Variants in PPFIA1 observed in about 807,000 individuals in gnomAD.
PPFIA1 encodes the protein PPFI scaffold protein A1.
PPFIA1 carries 25 observed loss-of-function variants against 149.9 expected under a neutral mutation model. The observed-to-expected ratio is 0.17, with a 90% CI of 0.12 to 0.23. The LOEUF (loss-of-function observed/expected upper bound fraction) is 0.23, where lower values mean the gene tolerates loss of function less well. Among genes scored for constraint, PPFIA1 ranks in the 10% least tolerant of loss-of-function variants. The pLI, the probability that PPFIA1 is intolerant of heterozygous loss-of-function variation, is 1.00. For missense variants in PPFIA1, 1,362 were observed against 1,506.5 expected, an observed-to-expected ratio of 0.90 and a Z score of 1.59; for synonymous variants, 549 against 552.8, an observed-to-expected ratio of 0.99 and a Z score of 0.10.
At chr11:70,295,500 G>GC (rs2051884477) in intron 2 of PPFIA1, among the ~76,000 whole-genome samples, 3 of 130,440 alleles carry the variant, frequency 2.3e-5, no homozygotes, top group African/African-American at 5.8e-5. Flanking sequence ...GGCTGGCCGG[G>GC]TGGGGGGGCT....
intron 3 of PPFIA1, 85 bp from the exon 4 acceptor site, chr11:70,324,761 GA>G (rs1328311808): frequency 1.6e-6 from 2 of 1,261,492 alleles, no homozygotes; most frequent in Non-Finnish European, 2.2e-6. Context: ...TTTAGTATGA[GA>G]CTGTAAAGGA....
chr11:70,360,734 C>G (rs937586348), intron 19 of PPFIA1, among the ~76,000 whole-genome samples: 1 of 152,246 alleles, frequency 6.6e-6, no homozygotes, highest in South Asian at 2.1e-4. Flanking sequence ...TAAGAAAAGT[C>G]TGCTGCTATT....
At position 70,310,534 on chromosome 11, in the gene PPFIA1, C is replaced by T. The variant is rs143913895; in HGVS notation, c.265-13868C>T. On this transcript the variant is annotated intron_variant, in intron 2 of 27. Coordinates refer to ENST00000253925, the MANE Select transcript of PPFIA1 (RefSeq NM_003626.5). Reference sequence around the variant, plus strand: ...CCGAGTAGCTGGGACTACAGGTGCGCGCCACCACGCCCAGTTAATTTTGGT... The same window carrying T: ...CCGAGTAGCTGGGACTACAGGTGCGTGCCACCACGCCCAGTTAATTTTGGT... 4.5e-3 allele frequency among the ~76,000 whole-genome samples: 687 copies of T among 151,872 alleles called. 7 individuals are homozygous for T. The highest frequency in any genetic ancestry group is 0.015 in the African/African-American group (641 of 41,394).
At chr11:70,364,192 G>A (rs1771258245) in intron 21 of PPFIA1, 1 of 152,178 alleles carries the variant, frequency 6.6e-6, no homozygotes, top group African/African-American at 2.4e-5. Context: ...CATTTGGGGA[G>A]CTAAAGACCC....
intron 2 of PPFIA1, among the ~76,000 whole-genome samples, chr11:70,289,591 A>G (rs779349080): frequency 2.0e-5 from 3 of 152,238 alleles, no homozygotes; most frequent in Non-Finnish European, 4.4e-5. Flanking sequence ...AATGGGTTTA[A>G]AACAATTTGT....
intron 19 of PPFIA1, among the ~76,000 whole-genome samples, chr11:70,358,857 T>A (rs1318499100): frequency 3.9e-5 from 6 of 152,226 alleles, no homozygotes; most frequent in Non-Finnish European, 7.3e-5. Flanking sequence ...GAGCCATTCG[T>A]CAGCTTTGAT....
At chr11:70,284,608 T>A (rs999232372) in intron 2 of PPFIA1, among the ~76,000 whole-genome samples, 3 of 152,154 alleles carry the variant, frequency 2.0e-5, no homozygotes, top group African/African-American at 7.2e-5. Context: ...AAATCCATGA[T>A]CTCGACTGAG....
chr11:70,325,437 ATATT>A (rs2054205830), intron 4 of PPFIA1, 59 bp from the exon 5 acceptor site: 2 of 1,068,382 alleles, frequency 1.9e-6, no homozygotes, highest in Admixed American at 1.9e-5. Flanking sequence ...ACTTAACTAT[ATATT>A]AAGAATAAAA....
intron 26 of PPFIA1, 153 bp downstream of exon 26, chr11:70,378,348 T>A: frequency 3.8e-6 from 5 of 1,315,254 alleles, no homozygotes; most frequent in Non-Finnish European, 4.8e-6. Context: ...TTAAATTAAC[T>A]CTAACATTTG....
At chr11:70,301,641 A>G (rs541853440) in intron 2 of PPFIA1, among the ~76,000 whole-genome samples, 3 of 152,200 alleles carry the variant, frequency 2.0e-5, no homozygotes, top group African/African-American at 7.2e-5. Flanking sequence ...TTTTTTGTTC[A>G]GGAAAGTGCT....
intron 2 of PPFIA1, among the ~76,000 whole-genome samples, chr11:70,286,756 T>TTC (rs2051157171): frequency 7.1e-6 from 1 of 140,194 alleles, no homozygotes; most frequent in African/African-American, 2.6e-5. Context: ...CTTTCTTTCT[T>TTC]TTTTTTTTTT....
At chr11:70,378,472 G>C in intron 26 of PPFIA1, 1 of 1,139,224 alleles carries the variant, frequency 8.8e-7, no homozygotes. Flanking sequence ...CTCAGAGAGA[G>C]ACTGAGGCAT....
intron 16 of PPFIA1, 150 bp from the exon 17 acceptor site, chr11:70,354,151 C>A (rs1174779982): frequency 2.6e-6 from 2 of 770,992 alleles, no homozygotes; most frequent in African/African-American, 3.5e-5. Context: ...GCTGCGTGGC[C>A]CTTCAGAATG....
intron 2 of PPFIA1, among the ~76,000 whole-genome samples, chr11:70,287,949 A>G (rs1259741906): frequency 4.0e-5 from 6 of 151,610 alleles, no homozygotes; most frequent in Admixed American, 2.6e-4. Context: ...AACAACTTGT[A>G]TGGTTAGATT....
intron 2 of PPFIA1, among the ~76,000 whole-genome samples, chr11:70,276,220 C>T (rs2050373119): frequency 2.0e-5 from 3 of 151,772 alleles, no homozygotes; most frequent in Middle Eastern, 3.4e-3. Context: ...GATCTTCCCA[C>T]CTCAGCCTCT....
At chr11:70,342,413 C>T (rs532830828) in intron 14 of PPFIA1, among the ~76,000 whole-genome samples, 1 of 152,292 alleles carries the variant, frequency 6.6e-6, no homozygotes, top group Admixed American at 6.5e-5. Flanking sequence ...AGAATCACCC[C>T]TGGGGGGATT....
At chr11:70,323,621 A>G (rs1296397533) in intron 2 of PPFIA1, among the ~76,000 whole-genome samples, 1 of 152,190 alleles carries the variant, frequency 6.6e-6, no homozygotes, top group Non-Finnish European at 1.5e-5. Flanking sequence ...TTCAAATACA[A>G]CAGACTCTGG....
chr11:70,271,301 A>T (rs972190761), intron 1 of PPFIA1: 12 of 152,406 alleles, frequency 7.9e-5, no homozygotes, highest in African/African-American at 2.9e-4. Context: ...AGCAGGCTGG[A>T]GGTCACCATC....
chr11:70,371,912 A>G (rs553414273), intron 21 of PPFIA1: 2 of 207,082 alleles, frequency 9.7e-6, no homozygotes, highest in East Asian at 2.3e-4. Context: ...TTGTCACATT[A>G]TTATACTAAA....
Sources: allele counts gnomAD v4.1 joint callset (sites outside exome capture counted in the v4.1 genomes callset), GRCh38; gene constraint gnomAD v4.1.1; transcripts MANE v1.5; gene names NCBI Gene and HGNC (gene_info 2026-07-23, HGNC 2026-07-21).